Variants in PTPRD observed in about 807,000 individuals in gnomAD.
PTPRD encodes receptor-type tyrosine-protein phosphatase delta.
In PTPRD, 34 loss-of-function variants were observed where a neutral mutation model predicts 214.5. The observed-to-expected ratio is 0.16, with a 90% CI of 0.12 to 0.21. The LOEUF is 0.21. PTPRD is among the 10% of genes least tolerant of loss of function. PTPRD has a pLI of 1.00. For missense variants in PTPRD, 2,545 were observed against 2,398.7 expected (o/e 1.06, Z -1.27); for synonymous variants, 1,128 against 845.7 (o/e 1.33, Z -5.79).
chr9:9,774,854 T>C (rs1199731592), intron 5 of PTPRD, among the ~76,000 whole-genome samples: 1 of 152,246 alleles, frequency 6.6e-6, no homozygotes, highest in Non-Finnish European at 1.5e-5. Context: ...TTATATTCTT[T>C]TGCTGTTTTA....
chr9:9,599,989 G>A (rs949797800), intron 7 of PTPRD, among the ~76,000 whole-genome samples: 3 of 151,904 alleles, frequency 2.0e-5, no homozygotes, highest in Non-Finnish European at 4.4e-5. Context: ...TATTCCCCTT[G>A]CTCTATGGGC....
intron 2 of PTPRD, among the ~76,000 whole-genome samples, chr9:10,370,866 T>G (rs2097598516): frequency 6.6e-6 from 1 of 152,022 alleles, no homozygotes. Flanking sequence ...TGAGTTTCTC[T>G]GTGATCAATA....
intron 5 of PTPRD, among the ~76,000 whole-genome samples, chr9:9,818,426 T>C (rs141242086): frequency 6.6e-6 from 1 of 152,172 alleles, no homozygotes. Context: ...CTAGATGCTA[T>C]GTTTCCTCTT....
intron 2 of PTPRD, among the ~76,000 whole-genome samples, chr9:10,555,553 C>G (rs897126899): frequency 7.9e-5 from 12 of 152,246 alleles, no homozygotes; most frequent in African/African-American, 2.6e-4. Context: ...AAACTACATT[C>G]GATCAAACAA....
intron 9 of PTPRD, among the ~76,000 whole-genome samples, chr9:9,269,772 G>A (rs1476512544): frequency 2.0e-5 from 3 of 151,264 alleles, no homozygotes; most frequent in Middle Eastern, 6.8e-3. Context: ...GAAAAATACT[G>A]CATGATTCCA....
At chr9:9,930,161 A>G (rs1356929610) in intron 5 of PTPRD, among the ~76,000 whole-genome samples, 4 of 152,214 alleles carry the variant, frequency 2.6e-5, no homozygotes, top group African/African-American at 9.6e-5. Flanking sequence ...CAAGGGAGGA[A>G]GGAAAAACCA....
intron 8 of PTPRD, among the ~76,000 whole-genome samples, chr9:9,404,602 C>T (rs2072484162): frequency 1.3e-5 from 2 of 152,082 alleles, no homozygotes; most frequent in South Asian, 4.1e-4. Context: ...AGCGTCAACA[C>T]ACATTTTAGC....
At chr9:10,608,062 T>G (rs1379280357) in intron 2 of PTPRD, among the ~76,000 whole-genome samples, 1 of 152,002 alleles carries the variant, frequency 6.6e-6, no homozygotes, top group Non-Finnish European at 1.5e-5. Flanking sequence ...CTCTTTAAAA[T>G]GCAAGGGTTC....
intron 14 of PTPRD, among the ~76,000 whole-genome samples, chr9:8,581,950 A>G (rs1424393378): frequency 1.3e-5 from 2 of 150,798 alleles, no homozygotes; most frequent in African/African-American, 4.9e-5. Context: ...AAAGAGGGAA[A>G]AAAAGGAGGA....
chr9:8,486,006 T>A lies in PTPRD; in HGVS notation c.2811A>T (p.Leu937Phe), dbSNP rs768304324. The change falls in exon 28 of 46, where the codon TTA becomes TTT. Residue 937 changes from leucine (L) to phenylalanine (F), a missense_variant. Transcript: ENST00000381196. The stretch of plus-strand genomic sequence containing the variant: ...CTGCCAGGACAGGTGGTTGCCAAGA[T>A]AACTGGACGGAGGTTGAAGTGGTGC... Reference protein sequence around the residue: ...SEGTTSTSVQLSWQPPVLAER... With the variant: ...SEGTTSTSVQFSWQPPVLAER... 1.2e-6 allele frequency: 2 copies of A among 1,614,194 alleles called. No individual in the cohort carries two copies. Among genetic ancestry groups the A allele is most frequent in the Middle Eastern group, 1.6e-4 (1 of 6,062 alleles).
At chr9:9,843,269 AG>A (rs2058752343) in intron 5 of PTPRD, among the ~76,000 whole-genome samples, 1 of 152,064 alleles carries the variant, frequency 6.6e-6, no homozygotes. Context: ...AATATCGCTT[AG>A]GGACTTGGTT....
Position 8,504,550 on chromosome 9 carries a change from G to C in PTPRD, c.1678-145C>G, listed in dbSNP as rs2097497634. The C allele has an allele frequency of 2.2e-5, 19 of 879,714 alleles. No individual in the cohort carries two copies. The South Asian group carries it at 3.5e-4, about 16-fold the overall frequency. The allele number at this position is 879,714 out of a possible 1,614,324, so 54.5% of individuals were successfully genotyped here. A position where few individuals can be genotyped will look rare whatever the true frequency, so the allele number is the denominator to read the frequency against. ...AAAAGAGTCAATAGTGAGTATCCAG[G>C]GCTATACTAAGGAAATTATATAATG... On this transcript the variant is annotated intron_variant, in intron 22 of 45. Transcript: ENST00000381196.
intron 8 of PTPRD, among the ~76,000 whole-genome samples, chr9:9,432,332 C>T (rs1380273609): frequency 2.0e-5 from 3 of 151,878 alleles, no homozygotes. Flanking sequence ...GACTGTTGGG[C>T]CACTTTCCTT....
chr9:9,087,466 C>A (rs1349079262), intron 10 of PTPRD, among the ~76,000 whole-genome samples: 1 of 152,102 alleles, frequency 6.6e-6, no homozygotes, highest in East Asian at 1.9e-4. Context: ...ACTGAAGAGG[C>A]ATTGTCCTTC....
chr9:9,816,013 T>C (rs923710131), intron 5 of PTPRD, among the ~76,000 whole-genome samples: 1 of 152,154 alleles, frequency 6.6e-6, no homozygotes, highest in Admixed American at 6.5e-5. Flanking sequence ...GAAAGGGACA[T>C]GCAGGTGTAC....
At chr9:9,359,367 T>C (rs2055099677) in intron 9 of PTPRD, among the ~76,000 whole-genome samples, 1 of 151,292 alleles carries the variant, frequency 6.6e-6, no homozygotes, top group South Asian at 2.1e-4. Context: ...ATTGATTTAA[T>C]GGTATGCATG....
At chr9:8,514,870 C>T (rs1466067214) in intron 21 of PTPRD, among the ~76,000 whole-genome samples, 1 of 152,104 alleles carries the variant, frequency 6.6e-6, no homozygotes, top group Non-Finnish European at 1.5e-5. Context: ...GGGGTGGTTT[C>T]TCCTATGCCG....
chr9:9,029,923 A>G (rs1295594555), intron 10 of PTPRD, among the ~76,000 whole-genome samples: 1 of 152,022 alleles, frequency 6.6e-6, no homozygotes, highest in East Asian at 1.9e-4. Flanking sequence ...TTCAAGGGTG[A>G]CAGCACGATT....
intron 2 of PTPRD, among the ~76,000 whole-genome samples, chr9:10,436,022 G>A (rs2098714774): frequency 6.6e-6 from 1 of 151,796 alleles, no homozygotes; most frequent in African/African-American, 2.4e-5. Flanking sequence ...AATTCCCTAA[G>A]ATGATTAAAG....
Sources: allele counts gnomAD v4.1 joint callset (sites outside exome capture counted in the v4.1 genomes callset), GRCh38; gene constraint gnomAD v4.1.1; transcripts MANE v1.5; gene names NCBI Gene and HGNC (gene_info 2026-07-23, HGNC 2026-07-21).